The following FAM20C variants were observed in gnomAD, a reference collection of about 807,000 sequenced individuals.
The protein encoded by FAM20C is FAM20C golgi associated secretory pathway kinase.
A neutral mutation model predicts 51.5 loss-of-function variants in FAM20C; 40 were observed. That is an observed-to-expected ratio of 0.78 (90% CI 0.60 to 1.01). The LOEUF (loss-of-function observed/expected upper bound fraction) is 1.01, where lower values mean the gene tolerates loss of function less well. FAM20C is among the 50% of genes least tolerant of loss of function. FAM20C has a pLI of 0.00. For synonymous variants in FAM20C, 406 were observed against 380.6 expected (o/e 1.07, Z -0.78); for missense variants, 861 against 844.7 (o/e 1.02, Z -0.24).
intron 3 of FAM20C, among the ~76,000 whole-genome samples, chr7:218,981 A>C (rs1296578273): frequency 1.3e-5 from 2 of 152,124 alleles, no homozygotes; most frequent in African/African-American, 4.8e-5. Context: ...GCCCAAACCC[A>C]GTGGCATGGA....
intron 5 of FAM20C, among the ~76,000 whole-genome samples, chr7:253,176 A>G (rs965560768): frequency 1.3e-5 from 2 of 152,184 alleles, no homozygotes; most frequent in Non-Finnish European, 2.9e-5. Flanking sequence ...CAGTTCGGGC[A>G]CCCAGAGCCG....
chr7:203,607 C>T (rs1786225685), intron 2 of FAM20C, among the ~76,000 whole-genome samples: 1 of 152,224 alleles, frequency 6.6e-6, no homozygotes, highest in South Asian at 2.1e-4. Context: ...AGAAGACCCA[C>T]TTGGTAGACT....
At chr7:258,126 G>T (rs868529039) in intron 8 of FAM20C, among the ~76,000 whole-genome samples, 164 of 112,168 alleles carry the variant, frequency 1.5e-3, no homozygotes, top group African/African-American at 5.8e-3. Context: ...GGAGATAGGC[G>T]GGGTGGACCC....
chr7:222,680 C>T (rs1352799292), intron 3 of FAM20C, among the ~76,000 whole-genome samples: 7 of 152,276 alleles, frequency 4.6e-5, no homozygotes, highest in Admixed American at 4.6e-4. Flanking sequence ...GAGAGCAGCC[C>T]AGCACAAGGG....
chr7:218,275 G>A (rs1787095890), intron 3 of FAM20C, among the ~76,000 whole-genome samples: 4 of 152,176 alleles, frequency 2.6e-5, no homozygotes, highest in African/African-American at 9.7e-5. Flanking sequence ...GCAGCTCCTC[G>A]CCCTGCAGGC....
intron 2 of FAM20C, chr7:197,204 A>G (rs1369821866): frequency 6.0e-6 from 1 of 167,036 alleles, no homozygotes; most frequent in Non-Finnish European, 1.5e-5. Flanking sequence ...GTTCAGCCTC[A>G]ACGAGATCTG....
At chr7:208,153 G>T (rs935504888) in intron 2 of FAM20C, among the ~76,000 whole-genome samples, 2 of 152,106 alleles carry the variant, frequency 1.3e-5, no homozygotes, top group African/African-American at 4.8e-5. Context: ...GCGTGGGTGT[G>T]TGTGGTCGTG....
intron 8 of FAM20C, among the ~76,000 whole-genome samples, chr7:257,818 G>GGGGTGGACCCACTGCCC: frequency 9.2e-6 from 1 of 108,790 alleles, no homozygotes; most frequent in Non-Finnish European, 2.0e-5. Context: ...CCCACTGCCC[G>GGGGTGGACCCACTGCCC]GGGTGCTGGA....
chr7:256,111 G>A (rs983622744), intron 6 of FAM20C, 82 bp downstream of exon 6: 53 of 1,473,454 alleles, frequency 3.6e-5, no homozygotes, highest in African/African-American at 7.1e-5. Flanking sequence ...GAGGGTCGGC[G>A]CCCACGGGGG....
At chr7:203,609 T>C (rs1430543124) in intron 2 of FAM20C, among the ~76,000 whole-genome samples, 3 of 152,250 alleles carry the variant, frequency 2.0e-5, no homozygotes, top group Non-Finnish European at 4.4e-5. Context: ...AAGACCCACT[T>C]GGTAGACTGA....
At chr7:223,273 C>T (rs575754331) in intron 3 of FAM20C, among the ~76,000 whole-genome samples, 10 of 152,274 alleles carry the variant, frequency 6.6e-5, no homozygotes, top group South Asian at 6.2e-4. Flanking sequence ...TGGGGATTTC[C>T]GTGTTGTCAG....
Position 195,607 on chromosome 7 carries a change from T to C in FAM20C, c.659T>C (p.Val220Ala), listed in dbSNP as rs761213707. The change falls in exon 2 of 10, where the codon GTG (valine) becomes GCG (alanine). Residue 220 changes from valine to alanine, a missense_variant. Around this residue, in one of 3 missense-constraint regions of FAM20C, gnomAD observed 561 missense variants for 499.8 expected, o/e 1.12. Coordinates refer to ENST00000313766, the MANE Select transcript of FAM20C (RefSeq NM_020223.4). ...TTCCTCTCCCCCGGGGAGGCGGCCG[T>C]GGACTCCTATCCCAACTGGCTCAAG... ...AEFLSPGEAAVDSYPNWLKFH... is the reference protein window; with the variant it reads ...AEFLSPGEAAADSYPNWLKFH... 6 of 1,604,802 alleles carry C rather than the reference T, an allele frequency of 3.7e-6. No homozygotes were observed. The highest frequency in any genetic ancestry group is 4.3e-6 in the Non-Finnish European group (5 of 1,175,418).
chr7:253,164 C>T (rs1003172894), intron 5 of FAM20C, among the ~76,000 whole-genome samples: 2 of 152,352 alleles, frequency 1.3e-5, no homozygotes, highest in South Asian at 2.1e-4. Flanking sequence ...CAGCGATGGA[C>T]CCAGTTCGGG....
At chr7:218,881 C>T (rs1182878320) in intron 3 of FAM20C, among the ~76,000 whole-genome samples, 4 of 151,464 alleles carry the variant, frequency 2.6e-5, no homozygotes, top group East Asian at 3.9e-4. Flanking sequence ...CCTGTCCGGC[C>T]GGGAGCTGAC....
At chr7:194,167 C>T (rs190910561) in intron 1 of FAM20C, 20 of 232,992 alleles carry the variant, frequency 8.6e-5, no homozygotes, top group African/African-American at 4.1e-4. Flanking sequence ...GGCTTTCAGA[C>T]ACTTGGCGAG....
intron 3 of FAM20C, among the ~76,000 whole-genome samples, chr7:210,927 G>A (rs575268091): frequency 2.0e-5 from 3 of 152,092 alleles, no homozygotes; most frequent in Non-Finnish European, 4.4e-5. Context: ...CTGTGCTTGG[G>A]GTTTATATAC....
intron 2 of FAM20C, 136 bp from the exon 3 acceptor site, chr7:208,762 C>T: frequency 1.2e-6 from 1 of 832,326 alleles, no homozygotes; most frequent in Admixed American, 2.8e-5. Context: ...GCAGAAAACT[C>T]AAACTTCCCA....
At chr7:251,771 G>C (rs980397267) in intron 5 of FAM20C, among the ~76,000 whole-genome samples, 1 of 152,116 alleles carries the variant, frequency 6.6e-6, no homozygotes, top group African/African-American at 2.4e-5. Flanking sequence ...GGCCACTCCT[G>C]GTTCTGGATA....
intron 8 of FAM20C, among the ~76,000 whole-genome samples, chr7:257,872 C>G: frequency 2.3e-5 from 2 of 88,388 alleles, no homozygotes; most frequent in African/African-American, 1.2e-4. Context: ...GGAGATGGGG[C>G]TGGGTGGACC....
Sources: allele counts gnomAD v4.1 joint callset (sites outside exome capture counted in the v4.1 genomes callset), GRCh38; gene constraint gnomAD v4.1.1; regional missense constraint gnomAD v4.1.1; transcripts MANE v1.5; gene names NCBI Gene and HGNC (gene_info 2026-07-23, HGNC 2026-07-21).